Variants in ECE1 observed in about 807,000 individuals in gnomAD.
ECE1 encodes the protein endothelin converting enzyme 1, also known as endothelin-converting enzyme 1.
A neutral mutation model predicts 98.6 loss-of-function variants in ECE1; 35 were observed. The observed-to-expected ratio is 0.35, with a 90% CI of 0.27 to 0.47. The LOEUF is 0.47. Among genes scored for constraint, ECE1 ranks in the 20% least tolerant of loss-of-function variants. The pLI is 1.00. For missense variants in ECE1, 814 were observed against 1,025.3 expected, an observed-to-expected ratio of 0.79 and a Z score of 2.81; for synonymous variants, 394 against 407.1, an observed-to-expected ratio of 0.97 and a Z score of 0.39.
In ECE1 at chr1:21,233,157, T is replaced by C. The variant is rs1246762158; in HGVS notation, c.1670+401A>G. The C allele has an allele frequency of 2.6e-5, 5 of 192,012 alleles. No homozygotes were observed. In the East Asian group the frequency reaches 6.3e-4, roughly 24 times the overall value. 11.9% of individuals were successfully genotyped at this position (192,012 alleles called of 1,614,324 possible). ...GAAAGCTGCTCTTGCTGGGGCCTCCTTGGGGTCTGGCGCTCCCCAGAGGTC... is the reference window on the plus strand; with the variant it reads ...GAAAGCTGCTCTTGCTGGGGCCTCCCTGGGGTCTGGCGCTCCCCAGAGGTC... On this transcript the variant is annotated intron_variant, in intron 14 of 18. Transcript: ENST00000374893. The surrounding 1 kb of genome is among the most constrained non-coding windows in gnomAD (Gnocchi z 4.0).
intron 1 of ECE1, chr1:21,298,742 G>A (rs901033318): frequency 2.2e-6 from 1 of 456,144 alleles, no homozygotes; most frequent in Non-Finnish European, 4.4e-6. Flanking sequence ...GCAAAGCCTG[G>A]ATTTGAACCC....
chr1:21,238,085 C>A lies in ECE1; in HGVS notation c.1389+49G>T, dbSNP rs755937577. On this transcript the variant is annotated intron_variant, in intron 11 of 18. Transcript: ENST00000374893. ...GTGTGAACTGGCAGGTCTGTGCAGG[C>A]CACAACAAGTGTGACCTCACAGCCT... 3 of 1,542,232 alleles carry A rather than the reference C, an allele frequency of 1.9e-6. No individual in the cohort carries two copies. The East Asian group carries it at 6.7e-5, about 35-fold the overall frequency.
chr1:21,335,199 T>C (rs1255264316), intron 1 of ECE1, among the ~76,000 whole-genome samples: 1 of 148,850 alleles, frequency 6.7e-6, no homozygotes, highest in African/African-American at 2.5e-5. Context: ...GGCTGCCCCC[T>C]CCTCAACCTT....
At chr1:21,231,413 T>C (rs1290037797) in intron 14 of ECE1, among the ~76,000 whole-genome samples, 1 of 150,760 alleles carries the variant, frequency 6.6e-6, no homozygotes, top group Non-Finnish European at 1.5e-5. Context: ...GCAATCTCTG[T>C]TCACTGCAAC....
intron 1 of ECE1, among the ~76,000 whole-genome samples, chr1:21,311,934 G>GAAAA: frequency 6.6e-6 from 1 of 152,114 alleles, no homozygotes; most frequent in South Asian, 2.1e-4. Context: ...GACCAGCCTG[G>GAAAA]CCAAATGGTG....
chr1:21,336,244 G>A (rs924182018), intron 1 of ECE1, among the ~76,000 whole-genome samples: 2 of 152,174 alleles, frequency 1.3e-5, no homozygotes, highest in Admixed American at 6.5e-5. Flanking sequence ...TTAGCTGGGT[G>A]TAGTGGTGCA....
At chr1:21,308,893 G>T (rs925998154) in intron 1 of ECE1, among the ~76,000 whole-genome samples, 1 of 152,194 alleles carries the variant, frequency 6.6e-6, no homozygotes, top group African/African-American at 2.4e-5. Flanking sequence ...CCTGGGCTAT[G>T]AGCCACAGCT....
chr1:21,282,114 C>T (rs1424155395), intron 2 of ECE1, among the ~76,000 whole-genome samples: 1 of 151,926 alleles, frequency 6.6e-6, no homozygotes, highest in Non-Finnish European at 1.5e-5. Flanking sequence ...CAGTCAGACC[C>T]CATCTCTTAA....
intron 4 of ECE1, among the ~76,000 whole-genome samples, chr1:21,270,310 A>T (rs1384280971): frequency 6.6e-6 from 1 of 152,240 alleles, no homozygotes; most frequent in Non-Finnish European, 1.5e-5. Flanking sequence ...AGCATGGTAC[A>T]GTGCACAGCG....
rs906887249 is a variant in ECE1 at position 21,337,775 on chromosome 1, G to T, written c.3+7601C>A. Among the ~76,000 whole-genome samples the T allele has an allele frequency of 2.0e-5, 3 of 152,190 alleles. No individual in the cohort carries two copies. In the East Asian group the frequency reaches 5.8e-4, roughly 29 times the overall value. On this transcript the variant is annotated intron_variant, in intron 1 of 18. Coordinates refer to the ECE1 transcript ENST00000415912. ...ATTAGAGACAGGAGAATAAAGCTTAGAGAGGTGACACGCTGTCCAAGGTGA... is the reference window on the plus strand; with the variant it reads ...ATTAGAGACAGGAGAATAAAGCTTATAGAGGTGACACGCTGTCCAAGGTGA...
chr1:21,323,497 G>A (rs932267860), intron 1 of ECE1, among the ~76,000 whole-genome samples: 4 of 152,170 alleles, frequency 2.6e-5, no homozygotes, highest in African/African-American at 9.7e-5. Context: ...CAGTGTTCAT[G>A]CCTGTAACCC....
Position 21,290,063 on chromosome 1 carries a change from C to A in ECE1, c.138+7G>T. ...CTGGACCTCGGGAGGGAGCGGAGGG[C>A]GCCTACCTGCAGGCCGTTGGGGTAT... On this transcript the variant is annotated splice_region_variant and intron_variant, in intron 2 of 18. Transcript: ENST00000374893. This position sits in a 1 kb window ranked among gnomAD's most constrained non-coding sequence, Gnocchi z 7.3. 1 of 1,422,424 alleles carries A rather than the reference C, an allele frequency of 7.0e-7. No homozygotes were observed. Among genetic ancestry groups the A allele is most frequent in the Non-Finnish European group, 9.3e-7 (1 of 1,073,116 alleles). The allele number at this position is 1,422,424 out of a possible 1,614,324, so 88.1% of individuals were successfully genotyped here.
intron 9 of ECE1, among the ~76,000 whole-genome samples, chr1:21,246,808 C>T (rs1252256057): frequency 2.0e-5 from 3 of 152,148 alleles, no homozygotes; most frequent in Admixed American, 6.5e-5. Context: ...GACAGGCACG[C>T]GACACCATGT....
intron 2 of ECE1, among the ~76,000 whole-genome samples, chr1:21,283,051 C>T (rs889638467): frequency 2.0e-5 from 3 of 149,694 alleles, no homozygotes; most frequent in Non-Finnish European, 4.4e-5. Context: ...AAGAGATTCT[C>T]CTGCCTCAGC....
Position 21,290,142 on chromosome 1 carries a change from C to CT in ECE1, c.65dup (p.Arg23AlafsTer102). On this transcript the variant is annotated frameshift_variant, in exon 2 of 19. Transcript: ENST00000374893. LOFTEE classifies it high-confidence loss of function. The surrounding 1 kb of genome is among the most constrained non-coding windows in gnomAD (Gnocchi z 7.3). ...GGTCCTCCTCGTCCAGCGTGGCCCG[C>CT]TTGTACGTCGACATCTGCAAGGCCA... 6.4e-7 allele frequency: 1 copy of CT among 1,565,984 alleles called. No homozygotes were observed. Among genetic ancestry groups the CT allele is most frequent in the Non-Finnish European group, 8.6e-7 (1 of 1,158,140 alleles).
At chr1:21,299,808 GA>G (rs1638445349) in intron 1 of ECE1, 1 of 152,224 alleles carries the variant, frequency 6.6e-6, no homozygotes, top group Non-Finnish European at 1.5e-5. Flanking sequence ...CATTTATGGG[GA>G]AAAAATGAGC....
chr1:21,220,066 G>A lies in ECE1; in HGVS notation c.2202C>T (p.Pro734=), dbSNP rs770421001. The A allele has an allele frequency of 4.3e-6, 7 of 1,614,108 alleles. No individual in the cohort carries two copies. Among genetic ancestry groups the A allele is most frequent in the Non-Finnish European group, 4.2e-6 (5 of 1,180,046 alleles). Reference sequence around the variant, plus strand: ...GGGAGCCGATGACCCGGAAGCGAGAGGGGCTGTGGGGATCGGTGATGAGGC... The same window carrying A: ...GGGAGCCGATGACCCGGAAGCGAGAAGGGCTGTGGGGATCGGTGATGAGGC... ...HEGLITDPHS[P]SRFRVIGSLS... is the part of the protein sequence containing the mutation. Residue 734 remains proline, a synonymous_variant, in exon 19 of 19, where the codon CCC becomes CCT. Transcript: ENST00000374893. This position sits in a 1 kb window ranked among gnomAD's most constrained non-coding sequence, Gnocchi z 5.0.
intron 4 of ECE1, among the ~76,000 whole-genome samples, chr1:21,271,699 C>A (rs1435888031): frequency 6.6e-6 from 1 of 151,990 alleles, no homozygotes; most frequent in African/African-American, 2.4e-5. Flanking sequence ...AGACGGGAAT[C>A]CAACAAACAT....
chr1:21,219,871 G>A lies in ECE1; in HGVS notation c.*84C>T. 6.3e-7 allele frequency: 1 copy of A among 1,578,572 alleles called. No individual in the cohort carries two copies. Among genetic ancestry groups the A allele is most frequent in the Non-Finnish European group, 8.6e-7 (1 of 1,157,120 alleles). ...AAGCAGGGCCCCGGGTGGCCAAGCG[G>A]GCTGAGCAATGCCCTGGAGGCTGGA... is the stretch of plus-strand genomic sequence containing the variant. On this transcript the variant is annotated 3_prime_UTR_variant, in exon 19 of 19. Coordinates refer to ENST00000374893, the MANE Select transcript of ECE1 (RefSeq NM_001397.3). The surrounding 1 kb of genome is among the most constrained non-coding windows in gnomAD (Gnocchi z 4.5).
Sources: gnomAD v4.1 joint callset for allele counts (sites outside exome capture counted in the v4.1 genomes callset) on GRCh38, gnomAD v4.1.1 for gene constraint, Gnocchi (gnomAD v3.1) non-coding constraint, MANE v1.5 for transcripts, NCBI Gene and HGNC (gene_info 2026-07-23, HGNC 2026-07-21) for gene names.